The following DMD variants were observed in gnomAD, a reference collection of about 807,000 sequenced individuals.
DMD encodes dystrophin, also known as mutant dystrophin.
A neutral mutation model predicts 330.1 loss-of-function variants in DMD; 63 were observed. The ratio of observed to expected loss-of-function variants is 0.19; its 90% CI spans 0.16 to 0.24. DMD has a LOEUF of 0.24. Ranked by LOEUF, DMD falls within the 10% of genes least tolerant of loss-of-function variation. The probability of loss-of-function intolerance (pLI) is 1.00; values close to 1 mark genes in which losing one functional copy is unlikely to be tolerated. For missense variants in DMD, 3,344 were observed against 2,684.1 expected (o/e 1.25, Z -5.43); for synonymous variants, 1,223 against 959.8 (o/e 1.27, Z -5.07).
chrX:32,275,376 T>C (rs974092467), intron 43 of DMD, among the ~76,000 whole-genome samples: 5 of 111,847 alleles, frequency 4.5e-5, no homozygotes, highest in African/African-American at 1.6e-4. Context: ...TTACCATTAT[T>C]ATCATCAAGT....
intron 1 of DMD, among the ~76,000 whole-genome samples, chrX:33,337,176 G>C (rs1481248134): frequency 1.8e-5 from 2 of 111,841 alleles, no homozygotes; most frequent in African/African-American, 6.5e-5. Flanking sequence ...ATGGTAACAA[G>C]AGAGTGAGGC....
At chrX:32,004,251 G>A (rs78421842) in intron 44 of DMD, among the ~76,000 whole-genome samples, 8,641 of 110,985 alleles carry the variant, frequency 0.078, 677 homozygotes, top group East Asian at 0.23. Flanking sequence ...CTAGAAATGC[G>A]TAAGATAAAG....
chrX:32,335,785 T>G (rs56306569), intron 41 of DMD, among the ~76,000 whole-genome samples: 1 of 101,157 alleles, frequency 9.9e-6, no homozygotes, highest in East Asian at 3.2e-4. Context: ...TATATATGTA[T>G]AACATGTTAT....
intron 2 of DMD, among the ~76,000 whole-genome samples, chrX:32,918,354 T>C (rs2088052217): frequency 9.0e-6 from 1 of 111,698 alleles, no homozygotes; most frequent in Admixed American, 9.6e-5. Context: ...TTTCAACATG[T>C]ATTATTTTTT....
intron 57 of DMD, among the ~76,000 whole-genome samples, chrX:31,493,285 G>A (rs2069487969): frequency 8.9e-6 from 1 of 111,847 alleles, no homozygotes; most frequent in African/African-American, 3.3e-5. Flanking sequence ...AAGAGTAGTC[G>A]ATATTTATCA....
rs147462038 is a variant in DMD at position 32,457,613 on chromosome X, G to C, written c.3433-2781C>G. ...AGAAAGTTCATCTATGTAAACAAAGGGAAAGTAGAGTCTGTGAGCTTATAT... is the reference window on the plus strand; with the variant it reads ...AGAAAGTTCATCTATGTAAACAAAGCGAAAGTAGAGTCTGTGAGCTTATAT... On this transcript the variant is annotated intron_variant, in intron 25 of 78. Transcript: ENST00000357033. Among the ~76,000 whole-genome samples the C allele has an allele frequency of 2.9e-3, 324 of 110,212 alleles. 1 individual carries two copies. The highest frequency in any genetic ancestry group is 0.014 in the Middle Eastern group (3 of 217).
At chrX:31,876,029 G>A (rs1415963363) in intron 47 of DMD, among the ~76,000 whole-genome samples, 3 of 112,470 alleles carry the variant, frequency 2.7e-5, no homozygotes, top group Non-Finnish European at 5.6e-5. Flanking sequence ...GTGAGTCCTA[G>A]TAAACAGAAG....
intron 77 of DMD, among the ~76,000 whole-genome samples, chrX:31,128,361 G>A (rs916227457): frequency 1.8e-5 from 2 of 111,321 alleles, no homozygotes; most frequent in Admixed American, 1.9e-4. Context: ...TAAAGTAGTA[G>A]TTGGGTCATG....
intron 34 of DMD, among the ~76,000 whole-genome samples, chrX:32,373,181 G>A (rs1427082896): frequency 9.2e-6 from 1 of 108,336 alleles, no homozygotes; most frequent in Admixed American, 9.9e-5. Context: ...AGTATCTATG[G>A]TTTGGAATAT....
Position 33,116,603 on chromosome X carries a change from C to T in DMD, c.31+94679G>A, listed in dbSNP as rs1012457530. ...AAGTTATGGAATCAAAGTTAATCCA[C>T]AGGAAATAATTAGCAAGCAATTATG... On this transcript the variant is annotated intron_variant, in intron 1 of 78. Transcript: ENST00000357033. 8.1e-5 allele frequency among the ~76,000 whole-genome samples: 9 copies of T among 111,577 alleles called. 1 individual carries two copies. In the Admixed American group the frequency reaches 8.6e-4, roughly 11 times the overall value.
chrX:33,112,481 C>T (rs943629049), intron 1 of DMD, among the ~76,000 whole-genome samples: 4 of 111,198 alleles, frequency 3.6e-5, no homozygotes, highest in African/African-American at 6.5e-5. Flanking sequence ...TAACGCTATG[C>T]GGTTTATTGA....
At chrX:31,914,947 T>C (rs2094590727) in intron 47 of DMD, among the ~76,000 whole-genome samples, 1 of 112,663 alleles carries the variant, frequency 8.9e-6, no homozygotes, top group Admixed American at 9.3e-5. Flanking sequence ...CCGTTCTCCA[T>C]GATGTGATTA....
chrX:31,472,931 C>A (rs1215708418), intron 59 of DMD, among the ~76,000 whole-genome samples: 3 of 112,333 alleles, frequency 2.7e-5, no homozygotes, highest in Non-Finnish European at 5.6e-5. Flanking sequence ...GACAGATTTG[C>A]ATATTCCAAG....
chrX:33,064,036 G>T (rs780550255), intron 1 of DMD, among the ~76,000 whole-genome samples: 1 of 111,249 alleles, frequency 9.0e-6, no homozygotes, highest in South Asian at 3.8e-4. Flanking sequence ...TTTCTTCACA[G>T]AGCATTGAAA....
At chrX:32,546,853 A>T in intron 16 of DMD, among the ~76,000 whole-genome samples, 1 of 111,860 alleles carries the variant, frequency 8.9e-6, no homozygotes, top group Non-Finnish European at 1.9e-5. Flanking sequence ...GCTCTAAAAA[A>T]AGCTTAAAAT....
At chrX:31,890,151 G>T (rs189594791) in intron 47 of DMD, among the ~76,000 whole-genome samples, 1 of 108,994 alleles carries the variant, frequency 9.2e-6, no homozygotes, top group Non-Finnish European at 1.9e-5. Flanking sequence ...TGGATTTCAG[G>T]GGGGGAAAGA....
chrX:33,312,756 A>T (rs1264748803), intron 1 of DMD, among the ~76,000 whole-genome samples: 1 of 111,732 alleles, frequency 8.9e-6, no homozygotes, highest in Non-Finnish European at 1.9e-5. Flanking sequence ...GTTTAAAAAC[A>T]TCTTATTGAA....
Position 31,124,453 on chromosome X carries a change from T to C in DMD, c.11046+2189A>G, listed in dbSNP as rs780024890. ...ATTTGTATCCTAGTTCTATTATCCA[T>C]GTGTGTAAGGCAGAGCATTCGGGAG... On this transcript the variant is annotated intron_variant, in intron 78 of 78. Transcript: ENST00000357033. Among the ~76,000 whole-genome samples, 19 of 111,640 alleles carry C rather than the reference T, an allele frequency of 1.7e-4. No homozygotes were observed. In the South Asian group the frequency reaches 2.7e-3, roughly 16 times the overall value.
At chrX:32,728,889 C>T (rs770200835) in intron 7 of DMD, among the ~76,000 whole-genome samples, 14 of 111,689 alleles carry the variant, frequency 1.3e-4, no homozygotes, top group Non-Finnish European at 1.5e-4. Context: ...TTAGTCTTTC[C>T]ATCTTGCCAT....
Sources: allele counts gnomAD v4.1 joint callset (sites outside exome capture counted in the v4.1 genomes callset), GRCh38; gene constraint gnomAD v4.1.1; transcripts MANE v1.5; gene names NCBI Gene and HGNC (gene_info 2026-07-23, HGNC 2026-07-21).